The following C4orf46 variants were observed in gnomAD, a reference collection of about 807,000 sequenced individuals.
The protein encoded by C4orf46 is renal cancer differentiation gene 1 protein.
C4orf46 carries 8 observed loss-of-function variants against 9.1 expected under a neutral mutation model. The observed-to-expected ratio is 0.88, with a 90% CI of 0.52 to 1.59. The LOEUF (loss-of-function observed/expected upper bound fraction) is 1.59. Among genes scored for constraint, C4orf46 ranks in the 40% most tolerant of loss-of-function variants. The pLI is 0.00. For missense variants in C4orf46, 151 were observed against 139.1 expected (o/e 1.09, Z -0.43); for synonymous variants, 51 against 58.8 (o/e 0.87, Z 0.61).
Position 158,668,689 on chromosome 4 carries a change from T to C in C4orf46, c.*924A>G, listed in dbSNP as rs190495190. On this transcript the variant is annotated 3_prime_UTR_variant, in exon 2 of 2. Coordinates refer to ENST00000379205, the MANE Select transcript of C4orf46 (RefSeq NM_001008393.4). ...AAACAAAGTAACTTCTTTAGAATTA[T>C]TATGTACACAACTTGCAAAGCTCAA... 2.5e-4 allele frequency: 38 copies of C among 152,362 alleles called. No homozygotes were observed. The highest frequency in any genetic ancestry group is 3.9e-4 in the Admixed American group (6 of 15,308). 9.4% of individuals were successfully genotyped at this position (152,362 alleles called of 1,614,324 possible).
Position 158,667,545 on chromosome 4 carries a change from A to T in C4orf46, c.*2068T>A, listed in dbSNP as rs1309871581. On this transcript the variant is annotated 3_prime_UTR_variant, in exon 2 of 2. Transcript: ENST00000379205. ...ATATCTAAAAACTGACAAGTAAAAA[A>T]AACAACATAGAAAAATGAGCAAAAA... is the stretch of plus-strand genomic sequence containing the variant. 1 of 152,272 alleles carries T rather than the reference A, an allele frequency of 6.6e-6. No individual in the cohort carries two copies. The highest frequency in any genetic ancestry group is 1.9e-4 in the East Asian group (1 of 5,184). The allele number at this position is 152,272 out of a possible 1,614,324, so 9.4% of individuals were successfully genotyped here. A position where few individuals can be genotyped will look rare whatever the true frequency, so the allele number is the denominator to read the frequency against.
At chr4:158,670,028 T>TTTTTTTTTTTTCC (rs537522813) in intron 1 of C4orf46, among the ~76,000 whole-genome samples, 1 of 113,142 alleles carries the variant, frequency 8.8e-6, no homozygotes, top group Non-Finnish European at 1.7e-5. Context: ...GTTTTCTTTT[T>TTTTTTTTTTTTCC]TTTTTTTTTT....
chr4:158,669,299 G>C lies in C4orf46; in HGVS notation c.*314C>G, dbSNP rs1773455584. 5.3e-6 allele frequency: 1 copy of C among 188,518 alleles called. No homozygotes were observed. Among genetic ancestry groups the C allele is most frequent in the Non-Finnish European group, 1.1e-5 (1 of 92,130 alleles). 11.7% of individuals were successfully genotyped at this position (188,518 alleles called of 1,614,324 possible). ...GCATCTTGTTGCAAAACAAATAATG[G>C]TCTACCTAGTTTGCTACTGGTAGCA... On this transcript the variant is annotated 3_prime_UTR_variant, in exon 2 of 2. Transcript: ENST00000379205.
At chr4:158,671,923 T>A (rs1461800447), upstream of C4orf46, 1 of 766,298 alleles carries the variant, frequency 1.3e-6, no homozygotes, top group African/African-American at 1.8e-5. Flanking sequence ...CCGCCCAGTC[T>A]CCTCGTGGGT....
upstream of C4orf46, chr4:158,671,980 C>T (rs1168583289): frequency 7.0e-6 from 4 of 572,460 alleles, no homozygotes; most frequent in African/African-American, 5.7e-5. Flanking sequence ...GACAGCCAAT[C>T]ATATGAGTCA....
At chr4:158,670,288 G>T (rs1392834721) in intron 1 of C4orf46, among the ~76,000 whole-genome samples, 1 of 152,084 alleles carries the variant, frequency 6.6e-6, no homozygotes, top group Non-Finnish European at 1.5e-5. Context: ...CTCCCAAAGT[G>T]CTGGGATTAC....
At chr4:158,670,986 G>C (rs1580384363) in intron 1 of C4orf46, among the ~76,000 whole-genome samples, 3 of 152,328 alleles carry the variant, frequency 2.0e-5, no homozygotes, top group Admixed American at 1.3e-4. Context: ...ATGCATTCTA[G>C]CAATCATACA....
In C4orf46 at chr4:158,671,649, G is replaced by A. The variant is rs553203589; in HGVS notation, c.153C>T (p.Asp51=). The A allele has an allele frequency of 1.9e-5, 31 of 1,595,730 alleles. No homozygotes were observed. Among genetic ancestry groups the A allele is most frequent in the Non-Finnish European group, 2.0e-5 (23 of 1,169,584 alleles). Residue 51 remains aspartate (D), a synonymous_variant, in exon 1 of 2, where the codon GAC becomes GAT. Coordinates refer to ENST00000379205, the MANE Select transcript of C4orf46 (RefSeq NM_001008393.4). ...VPSRSSGPTV[D]QLEEVELQIG... Reference sequence around the variant, plus strand: ...TCTGCAGCTCCACTTCCTCCAGCTGGTCCACCGTTGGGCCGCTGCTCCTGC... The same window carrying A: ...TCTGCAGCTCCACTTCCTCCAGCTGATCCACCGTTGGGCCGCTGCTCCTGC...
intron 1 of C4orf46, among the ~76,000 whole-genome samples, chr4:158,671,185 C>G (rs1428668886): frequency 6.6e-6 from 1 of 152,182 alleles, no homozygotes; most frequent in Non-Finnish European, 1.5e-5. Context: ...CTCAAGTACC[C>G]ACAGAAAGCC....
intron 1 of C4orf46, 95 bp downstream of exon 1, chr4:158,671,521 G>A: frequency 7.8e-7 from 1 of 1,289,898 alleles, no homozygotes; most frequent in Non-Finnish European, 1.0e-6. Flanking sequence ...CGGGTCATGG[G>A]GGTTGGGGGA....
intron 1 of C4orf46, 75 bp downstream of exon 1, chr4:158,671,541 T>C: frequency 7.3e-7 from 1 of 1,377,836 alleles, no homozygotes; most frequent in Non-Finnish European, 9.6e-7. Flanking sequence ...ACCGATTCCC[T>C]AGCCTCGCGA....
At chr4:158,671,534 G>A (rs1157639008) in intron 1 of C4orf46, 82 bp downstream of exon 1, 2 of 1,351,908 alleles carry the variant, frequency 1.5e-6, no homozygotes, top group East Asian at 5.5e-5. Flanking sequence ...TTGGGGGACC[G>A]ATTCCCTAGC....
At position 158,668,330 on chromosome 4, in the gene C4orf46, C is replaced by T. The variant is rs1317284850; in HGVS notation, c.*1283G>A. 1 of 152,342 alleles carries T rather than the reference C, an allele frequency of 6.6e-6. No individual in the cohort carries two copies. Among genetic ancestry groups the T allele is most frequent in the African/African-American group, 2.4e-5 (1 of 41,368 alleles). The allele number at this position is 152,342 out of a possible 1,614,324, so 9.4% of individuals were successfully genotyped here. ...CATATCTTTGGTATAGAAATCACAC[C>T]CTATGTGTTTATCTTTAACTAAAAA... On this transcript the variant is annotated 3_prime_UTR_variant, in exon 2 of 2. Transcript: ENST00000379205.
At position 158,668,168 on chromosome 4, in the gene C4orf46, G is replaced by A. The variant is rs566101890; in HGVS notation, c.*1445C>T. On this transcript the variant is annotated 3_prime_UTR_variant, in exon 2 of 2. Transcript: ENST00000379205. ...TACCTTTCCTATATCTTTGAAATAT[G>A]TCAATAAAGTTTTAAGGTAATGAAT... 2.0e-5 allele frequency: 3 copies of A among 152,432 alleles called. No homozygotes were observed. The highest frequency in any genetic ancestry group is 3.9e-4 in the East Asian group (2 of 5,184). 9.4% of individuals were successfully genotyped at this position (152,432 alleles called of 1,614,324 possible).
At chr4:158,670,452 A>G (rs906988892) in intron 1 of C4orf46, among the ~76,000 whole-genome samples, 4 of 152,222 alleles carry the variant, frequency 2.6e-5, no homozygotes, top group African/African-American at 9.6e-5. Context: ...TATTTGGGTA[A>G]CATGGGCATT....
At chr4:158,669,849 T>A in intron 1 of C4orf46, 81 bp from the exon 2 acceptor site, 1 of 1,180,800 alleles carries the variant, frequency 8.5e-7, no homozygotes, top group Non-Finnish European at 1.2e-6. Flanking sequence ...AGCTTAAGGC[T>A]TTGAATCCAA....
At chr4:158,670,099 C>T (rs1250612637) in intron 1 of C4orf46, among the ~76,000 whole-genome samples, 1 of 147,454 alleles carries the variant, frequency 6.8e-6, no homozygotes, top group African/African-American at 2.5e-5. Flanking sequence ...TCTTGGTTCA[C>T]TGCAACCTCC....
rs1394328635 is a variant in C4orf46, at chr4:158,668,062, T to C, written c.*1551A>G. On this transcript the variant is annotated 3_prime_UTR_variant, in exon 2 of 2. Transcript: ENST00000379205. ...TAACATTTGCAATTACATGCATATG[T>C]GTGTCTGAAGAAAATATAGCCAAAT... 1 of 152,206 alleles carries C rather than the reference T, an allele frequency of 6.6e-6. No homozygotes were observed. The highest frequency in any genetic ancestry group is 2.4e-5 in the African/African-American group (1 of 41,444). 9.4% of individuals were successfully genotyped at this position (152,206 alleles called of 1,614,324 possible).
intron 1 of C4orf46, 94 bp downstream of exon 1, chr4:158,671,522 G>C: frequency 7.7e-7 from 1 of 1,296,890 alleles, no homozygotes. Context: ...GGGTCATGGG[G>C]GTTGGGGGAC....
Sources: gnomAD v4.1 joint callset for allele counts (sites outside exome capture counted in the v4.1 genomes callset) on GRCh38, gnomAD v4.1.1 for gene constraint, MANE v1.5 for transcripts, NCBI Gene and HGNC (gene_info 2026-07-23, HGNC 2026-07-21) for gene names.